Variants in TEAD1 observed in about 807,000 individuals in gnomAD.
The protein encoded by TEAD1 is transcriptional enhancer factor TEF-1.
A neutral mutation model predicts 54.9 loss-of-function variants in TEAD1; 9 were observed. The ratio of observed to expected loss-of-function variants is 0.16; its 90% CI spans 0.10 to 0.29. TEAD1 has a LOEUF of 0.29. Ranked by LOEUF, TEAD1 falls within the 10% of genes least tolerant of loss-of-function variation. The pLI is 1.00. For missense variants in TEAD1, 387 were observed against 535.9 expected (o/e 0.72, Z 2.74); for synonymous variants, 200 against 187.8 (o/e 1.07, Z -0.53).
intron 2 of TEAD1, among the ~76,000 whole-genome samples, chr11:12,694,606 G>A (rs1422960452): frequency 1.3e-5 from 2 of 152,198 alleles, no homozygotes; most frequent in Non-Finnish European, 2.9e-5. Context: ...TCAGAGCAGA[G>A]TTGGGTTGGT....
intron 3 of TEAD1, among the ~76,000 whole-genome samples, chr11:12,821,100 A>C (rs954577908): frequency 2.6e-5 from 4 of 152,230 alleles, no homozygotes; most frequent in Non-Finnish European, 5.9e-5. Flanking sequence ...GCCTTCAAGA[A>C]GCAGAGCCCC....
In TEAD1 at chr11:12,944,352, G is replaced by A. The variant is rs1249934752; in HGVS notation, c.*7130G>A. 6.6e-6 allele frequency: 1 copy of A among 152,512 alleles called. No homozygotes were observed. Among genetic ancestry groups the A allele is most frequent in the Non-Finnish European group, 1.5e-5 (1 of 68,008 alleles). The allele number at this position is 152,512 out of a possible 1,614,324, so 9.4% of individuals were successfully genotyped here. On this transcript the variant is annotated 3_prime_UTR_variant, in exon 13 of 13. Coordinates refer to ENST00000527636, the MANE Select transcript of TEAD1 (RefSeq NM_021961.6). ...TATTCTTGTATTTGTTAACGTCTGT[G>A]TTTAGGTACTGGTACCTTTTTGTTT...
intron 10 of TEAD1, among the ~76,000 whole-genome samples, chr11:12,903,169 C>T (rs1485206939): frequency 6.6e-6 from 1 of 152,160 alleles, no homozygotes; most frequent in Non-Finnish European, 1.5e-5. Context: ...TTTGCCTCAG[C>T]TCCACCTAGG....
intron 2 of TEAD1, among the ~76,000 whole-genome samples, chr11:12,712,386 A>G (rs1288861975): frequency 6.6e-6 from 1 of 152,148 alleles, no homozygotes; most frequent in African/African-American, 2.4e-5. Flanking sequence ...GCACCTACAC[A>G]GCTTCACCTG....
intron 2 of TEAD1, among the ~76,000 whole-genome samples, chr11:12,746,349 G>A (rs1341091813): frequency 1.3e-5 from 2 of 152,162 alleles, no homozygotes; most frequent in African/African-American, 4.8e-5. Flanking sequence ...TTAAAGCTGA[G>A]TAATATTAGG....
At chr11:12,823,190 A>G (rs1320711178) in intron 3 of TEAD1, among the ~76,000 whole-genome samples, 1 of 152,188 alleles carries the variant, frequency 6.6e-6, no homozygotes, top group African/African-American at 2.4e-5. Flanking sequence ...GGAATGTATA[A>G]TGACAAATTA....
chr11:12,915,056 G>C (rs1039336791), intron 10 of TEAD1, among the ~76,000 whole-genome samples: 3 of 152,198 alleles, frequency 2.0e-5, no homozygotes, highest in African/African-American at 4.8e-5. Context: ...TCTGGTTGGG[G>C]ACAGTCCTCT....
chr11:12,827,871 G>C (rs1946689338), intron 3 of TEAD1, among the ~76,000 whole-genome samples: 3 of 152,224 alleles, frequency 2.0e-5, no homozygotes, highest in Admixed American at 2.0e-4. Context: ...TGTTGTGCCT[G>C]TTGTGCCAGG....
intron 2 of TEAD1, among the ~76,000 whole-genome samples, chr11:12,761,396 G>C (rs1231168879): frequency 6.6e-6 from 1 of 152,194 alleles, no homozygotes; most frequent in Non-Finnish European, 1.5e-5. Context: ...GTTGTTTAGT[G>C]TCTTAGACAC....
intron 3 of TEAD1, among the ~76,000 whole-genome samples, chr11:12,820,610 TGA>T (rs1396415505): frequency 1.3e-5 from 2 of 152,034 alleles, no homozygotes; most frequent in East Asian, 3.9e-4. Flanking sequence ...ATGGTTGGGT[TGA>T]GAGAGGAAAT....
At chr11:12,858,017 A>G (rs892487215) in intron 3 of TEAD1, among the ~76,000 whole-genome samples, 3 of 152,162 alleles carry the variant, frequency 2.0e-5, no homozygotes, top group Non-Finnish European at 2.9e-5. Flanking sequence ...AGGCAGAAGG[A>G]TCACTTGAAC....
chr11:12,721,978 G>C (rs766059008), intron 2 of TEAD1, among the ~76,000 whole-genome samples: 6 of 152,148 alleles, frequency 3.9e-5, no homozygotes, highest in African/African-American at 1.2e-4. Context: ...TCAGATTCAG[G>C]TGCCTCACTC....
At chr11:12,896,375 T>C (rs910754924) in intron 9 of TEAD1, among the ~76,000 whole-genome samples, 35 of 152,230 alleles carry the variant, frequency 2.3e-4, no homozygotes, top group Non-Finnish European at 5.0e-4. Context: ...CCCATCTCTT[T>C]TTAAAACGTA....
intron 3 of TEAD1, among the ~76,000 whole-genome samples, chr11:12,767,836 T>C (rs1166002712): frequency 1.3e-5 from 2 of 152,170 alleles, no homozygotes; most frequent in Non-Finnish European, 2.9e-5. Context: ...TCTCTTTCTC[T>C]GTGCTTGTCT....
rs1010984021 is a variant in TEAD1 at position 12,867,775 on chromosome 11, C to G, written c.330+2875C>G. Among the ~76,000 whole-genome samples the G allele has an allele frequency of 2.0e-5, 3 of 152,100 alleles. No individual in the cohort carries two copies. In the East Asian group the frequency reaches 5.8e-4, roughly 29 times the overall value. ...CCCACACTAGCTAGTGAGATAAACT[C>G]GCTACAGATAATTGAGGTCATCCCA... is the stretch of plus-strand genomic sequence containing the variant. On this transcript the variant is annotated intron_variant, in intron 5 of 12. Coordinates refer to ENST00000527636, the MANE Select transcript of TEAD1 (RefSeq NM_021961.6).
chr11:12,821,089 G>A (rs1946535413), intron 3 of TEAD1, among the ~76,000 whole-genome samples: 1 of 152,154 alleles, frequency 6.6e-6, no homozygotes, highest in Non-Finnish European at 1.5e-5. Flanking sequence ...CTGCTGTCCA[G>A]GCCTTCAAGA....
At chr11:12,867,776 G>A (rs762703596) in intron 5 of TEAD1, among the ~76,000 whole-genome samples, 2 of 152,124 alleles carry the variant, frequency 1.3e-5, no homozygotes, top group Admixed American at 6.6e-5. Flanking sequence ...AGATAAACTC[G>A]CTACAGATAA....
At chr11:12,741,765 A>G (rs1301945804) in intron 2 of TEAD1, among the ~76,000 whole-genome samples, 1 of 152,196 alleles carries the variant, frequency 6.6e-6, no homozygotes, top group Non-Finnish European at 1.5e-5. Flanking sequence ...TTGCAGTAGC[A>G]AGGCTCTCAT....
intron 2 of TEAD1, among the ~76,000 whole-genome samples, chr11:12,747,964 C>A (rs1944781887): frequency 8.5e-6 from 1 of 117,736 alleles, no homozygotes; most frequent in Non-Finnish European, 1.7e-5. Flanking sequence ...GTGATCCCTG[C>A]AATTTTTTTT....
Sources: allele counts gnomAD v4.1 joint callset (sites outside exome capture counted in the v4.1 genomes callset), GRCh38; gene constraint gnomAD v4.1.1; transcripts MANE v1.5; gene names NCBI Gene and HGNC (gene_info 2026-07-23, HGNC 2026-07-21).